Variants in DOK6 observed in about 807,000 individuals in gnomAD.
DOK6 encodes the protein docking protein 6.
Under a neutral mutation model 44.0 loss-of-function variants are expected in DOK6, and 22 were observed. The observed-to-expected ratio is 0.50, with a 90% CI of 0.36 to 0.71. The LOEUF (loss-of-function observed/expected upper bound fraction) is 0.71, where lower values mean the gene tolerates loss of function less well. Ranked by LOEUF, DOK6 falls within the 30% of genes least tolerant of loss-of-function variation. The pLI, the probability that DOK6 is intolerant of heterozygous loss-of-function variation, is 0.00. For missense variants in DOK6, 340 were observed against 416.4 expected, an observed-to-expected ratio of 0.82 and a Z score of 1.60; for synonymous variants, 166 against 145.5, an observed-to-expected ratio of 1.14 and a Z score of -1.01.
chr18:69,744,514 AATT>A (rs1262089748), intron 6 of DOK6, among the ~76,000 whole-genome samples: 1 of 152,134 alleles, frequency 6.6e-6, no homozygotes, highest in Non-Finnish European at 1.5e-5. Flanking sequence ...AATTAGAACA[AATT>A]ATTATGGTTG....
intron 2 of DOK6, among the ~76,000 whole-genome samples, chr18:69,593,427 T>C (rs2144618164): frequency 6.6e-6 from 1 of 152,128 alleles, no homozygotes; most frequent in South Asian, 2.1e-4. Flanking sequence ...CTTCATTATA[T>C]TTTTCTTTTC....
At position 69,757,810 on chromosome 18, in the gene DOK6, C is replaced by G. The variant is rs755607974; in HGVS notation, c.793C>G (p.Arg265Gly). 6.2e-7 allele frequency: 1 copy of G among 1,614,032 alleles called. No homozygotes were observed. Among genetic ancestry groups the G allele is most frequent in the Non-Finnish European group, 8.5e-7 (1 of 1,180,012 alleles). Residue 265 changes from arginine (R) to glycine (G), a missense_variant, in exon 7 of 8, where the codon CGC becomes GGC. Around this residue, in one of 3 missense-constraint regions of DOK6, gnomAD observed 112 missense variants for 109.3 expected, o/e 1.02. Transcript: ENST00000382713. The part of the protein sequence containing the change: ...MTLSKSISLP[R>G]SAYWHHITRQ... ...ATTATCCAAATCAATATCTCTTCCT[C>G]GCAGCGCGTACTGGCATCACATCAC...
intron 1 of DOK6, among the ~76,000 whole-genome samples, chr18:69,555,712 T>C (rs1199433183): frequency 1.3e-5 from 2 of 152,246 alleles, no homozygotes; most frequent in African/African-American, 4.8e-5. Flanking sequence ...TTCTGGTTTG[T>C]AACCAAATAT....
chr18:69,531,375 A>G (rs1981981878), intron 1 of DOK6, among the ~76,000 whole-genome samples: 1 of 151,172 alleles, frequency 6.6e-6, no homozygotes. Flanking sequence ...AATTTGCTGG[A>G]CAGAATGCAC....
chr18:69,546,971 G>T (rs1982423620), intron 1 of DOK6, among the ~76,000 whole-genome samples: 1 of 151,642 alleles, frequency 6.6e-6, no homozygotes, highest in African/African-American at 2.4e-5. Flanking sequence ...GACAGCATCT[G>T]CTTCTGGGGA....
intron 1 of DOK6, among the ~76,000 whole-genome samples, chr18:69,445,760 T>G (rs934601271): frequency 6.6e-6 from 1 of 152,156 alleles, no homozygotes; most frequent in Non-Finnish European, 1.5e-5. Context: ...GTGGCTCATG[T>G]CTATAATCCC....
At chr18:69,415,615 A>G (rs982913567) in intron 1 of DOK6, among the ~76,000 whole-genome samples, 2 of 152,144 alleles carry the variant, frequency 1.3e-5, no homozygotes, top group African/African-American at 4.8e-5. Context: ...GAGTGCATGC[A>G]GATAGCCGTA....
At chr18:69,768,954 C>CGGGTGTGTGTGTGTGT (rs1491210858) in intron 7 of DOK6, among the ~76,000 whole-genome samples, 1 of 142,590 alleles carries the variant, frequency 7.0e-6, no homozygotes, top group Admixed American at 7.1e-5. Context: ...GAAGGGTGTG[C>CGGGTGTGTGTGTGTGT]GTGTGTGTGT....
At chr18:69,533,848 G>A (rs1284093444) in intron 1 of DOK6, among the ~76,000 whole-genome samples, 1 of 151,824 alleles carries the variant, frequency 6.6e-6, no homozygotes, top group Admixed American at 6.6e-5. Context: ...TATATCATTT[G>A]TTCTACTCGT....
chr18:69,410,816 C>T lies in DOK6; in HGVS notation c.66+9506C>T, dbSNP rs79171514. Reference sequence around the variant, plus strand: ...AAGACTCACTGAGTTCTGAACAATGCAATCATGATTTTCCCAATGGGAGAT... The same window carrying T: ...AAGACTCACTGAGTTCTGAACAATGTAATCATGATTTTCCCAATGGGAGAT... On this transcript the variant is annotated intron_variant, in intron 1 of 7. Coordinates refer to ENST00000382713, the MANE Select transcript of DOK6 (RefSeq NM_152721.6). Among the ~76,000 whole-genome samples, 305 of 152,242 alleles carry T rather than the reference C, an allele frequency of 2.0e-3. 1 individual carries two copies. The highest frequency in any genetic ancestry group is 7.0e-3 in the African/African-American group (290 of 41,528).
chr18:69,835,471 AC>A (rs1235239756), intron 7 of DOK6, among the ~76,000 whole-genome samples: 4 of 22,836 alleles, frequency 1.8e-4, no homozygotes, highest in Non-Finnish European at 2.0e-4. Flanking sequence ...TCTCAAAAAA[AC>A]AACAACAACA....
intron 1 of DOK6, among the ~76,000 whole-genome samples, chr18:69,504,866 T>C (rs1347551946): frequency 6.6e-6 from 1 of 152,200 alleles, no homozygotes; most frequent in African/African-American, 2.4e-5. Flanking sequence ...CTCAGTTTTG[T>C]TACAGGAAAA....
At chr18:69,628,616 A>G (rs923109561) in intron 3 of DOK6, among the ~76,000 whole-genome samples, 1 of 152,200 alleles carries the variant, frequency 6.6e-6, no homozygotes, top group Non-Finnish European at 1.5e-5. Flanking sequence ...GGGATATGGT[A>G]TGAAACTTTT....
At chr18:69,709,341 A>G (rs1986706892) in intron 5 of DOK6, among the ~76,000 whole-genome samples, 2 of 152,174 alleles carry the variant, frequency 1.3e-5, no homozygotes, top group Admixed American at 1.3e-4. Flanking sequence ...AATATGTTTC[A>G]TTCTTAGTCA....
At chr18:69,760,559 T>C (rs1979517954) in intron 7 of DOK6, among the ~76,000 whole-genome samples, 1 of 152,146 alleles carries the variant, frequency 6.6e-6, no homozygotes, top group Non-Finnish European at 1.5e-5. Flanking sequence ...GCAGGCGCCC[T>C]GAGAAACCAA....
At chr18:69,495,716 G>A (rs1365792652) in intron 1 of DOK6, among the ~76,000 whole-genome samples, 2 of 152,196 alleles carry the variant, frequency 1.3e-5, no homozygotes, top group African/African-American at 4.8e-5. Flanking sequence ...GTACCTGTCT[G>A]CCTCTGCTGC....
intron 3 of DOK6, among the ~76,000 whole-genome samples, chr18:69,625,431 G>C (rs993177267): frequency 1.5e-4 from 23 of 152,052 alleles, no homozygotes; most frequent in African/African-American, 5.6e-4. Context: ...TTAAAGATAT[G>C]TTTTACTGTA....
At chr18:69,833,940 C>T (rs1255341410) in intron 7 of DOK6, among the ~76,000 whole-genome samples, 1 of 152,064 alleles carries the variant, frequency 6.6e-6, no homozygotes, top group African/African-American at 2.4e-5. Flanking sequence ...AATGGGAATG[C>T]TCAAGTGTTG....
chr18:69,611,748 T>G (rs1222340883), intron 3 of DOK6, among the ~76,000 whole-genome samples: 1 of 152,216 alleles, frequency 6.6e-6, no homozygotes, highest in Non-Finnish European at 1.5e-5. Context: ...CATGTGATTC[T>G]GTTTACATAT....
Sources: gnomAD v4.1 joint callset for allele counts (sites outside exome capture counted in the v4.1 genomes callset) on GRCh38, gnomAD v4.1.1 for gene constraint, gnomAD v4.1.1 regional missense constraint, MANE v1.5 for transcripts, NCBI Gene and HGNC (gene_info 2026-07-23, HGNC 2026-07-21) for gene names.